The following MMP16 variants were observed in gnomAD, a reference collection of about 807,000 sequenced individuals.
MMP16 encodes matrix metallopeptidase 16, also known as matrix metalloproteinase-16.
Under a neutral mutation model 67.8 loss-of-function variants are expected in MMP16, and 12 were observed. That is an observed-to-expected ratio of 0.18 (90% CI 0.11 to 0.29). The LOEUF is 0.29. Among genes scored for constraint, MMP16 ranks in the 10% least tolerant of loss-of-function variants. MMP16 has a pLI of 1.00. For synonymous variants in MMP16, 249 were observed against 255.9 expected, an observed-to-expected ratio of 0.97 and a Z score of 0.26; for missense variants, 475 against 765.7, an observed-to-expected ratio of 0.62 and a Z score of 4.48.
At chr8:88,119,494 C>A (rs543102128) in intron 4 of MMP16, among the ~76,000 whole-genome samples, 2 of 152,140 alleles carry the variant, frequency 1.3e-5, no homozygotes, top group African/African-American at 4.8e-5. Context: ...CAATTCTAAT[C>A]TTTTCATATG....
At chr8:88,216,475 C>T (rs901603656) in intron 1 of MMP16, among the ~76,000 whole-genome samples, 3 of 152,078 alleles carry the variant, frequency 2.0e-5, no homozygotes, top group Non-Finnish European at 4.4e-5. Context: ...ATCATCAGAT[C>T]CCACTTAAAG....
intron 4 of MMP16, among the ~76,000 whole-genome samples, chr8:88,166,782 CA>C (rs1276831171): frequency 2.1e-5 from 3 of 145,886 alleles, no homozygotes; most frequent in Non-Finnish European, 4.5e-5. Flanking sequence ...AAAACAGACC[CA>C]GGCTGGTATT....
At chr8:88,102,010 T>G (rs1809153087) in intron 6 of MMP16, among the ~76,000 whole-genome samples, 1 of 151,878 alleles carries the variant, frequency 6.6e-6, no homozygotes, top group Non-Finnish European at 1.5e-5. Flanking sequence ...TTCTTAGAGC[T>G]GCTCTTTTGT....
chr8:88,164,308 G>T (rs535713061), intron 4 of MMP16, among the ~76,000 whole-genome samples: 1 of 144,732 alleles, frequency 6.9e-6, no homozygotes, highest in African/African-American at 2.5e-5. Context: ...CTAGATTAAA[G>T]AAAAAAAAAA....
chr8:88,280,819 A>G (rs1039503909), intron 1 of MMP16, among the ~76,000 whole-genome samples: 1 of 152,130 alleles, frequency 6.6e-6, no homozygotes, highest in Non-Finnish European at 1.5e-5. Context: ...TGGGAGTTTC[A>G]GAGTGCAGGG....
At chr8:88,117,951 T>C (rs77976101) in intron 5 of MMP16, among the ~76,000 whole-genome samples, 8,365 of 152,134 alleles carry the variant, frequency 0.055, 348 homozygotes, top group Admixed American at 0.11. Flanking sequence ...TGTCAAGTTC[T>C]TTGCAACTAT....
At chr8:88,212,460 C>A (rs1382344300) in intron 1 of MMP16, among the ~76,000 whole-genome samples, 1 of 152,062 alleles carries the variant, frequency 6.6e-6, no homozygotes, top group Non-Finnish European at 1.5e-5. Flanking sequence ...TCTGTCCATG[C>A]TTCAGTTATA....
chr8:88,281,083 A>G (rs1229874848), intron 1 of MMP16, among the ~76,000 whole-genome samples: 1 of 152,220 alleles, frequency 6.6e-6, no homozygotes, highest in Admixed American at 6.5e-5. Flanking sequence ...AGCAAAGCAG[A>G]GTACAAGACT....
At chr8:88,282,352 C>T (rs190577907) in intron 1 of MMP16, among the ~76,000 whole-genome samples, 53 of 152,290 alleles carry the variant, frequency 3.5e-4, no homozygotes, top group Non-Finnish European at 7.1e-4. Flanking sequence ...GGATTACAGG[C>T]GTGAGCCATG....
chr8:88,326,846 T>C, intron 1 of MMP16: 2 of 467,478 alleles, frequency 4.3e-6, no homozygotes, highest in Non-Finnish European at 7.8e-6. Context: ...AATTGTGTCT[T>C]TGAGCGCGCA....
At chr8:88,159,142 A>G (rs534424508) in intron 4 of MMP16, among the ~76,000 whole-genome samples, 91 of 152,158 alleles carry the variant, frequency 6.0e-4, no homozygotes, top group African/African-American at 2.1e-3. Context: ...TTGTCTTGGC[A>G]ATGTGGGCTC....
intron 8 of MMP16, among the ~76,000 whole-genome samples, chr8:88,053,044 A>G (rs1471322598): frequency 1.3e-5 from 2 of 152,228 alleles, no homozygotes; most frequent in African/African-American, 4.8e-5. Flanking sequence ...TACCTAGCAC[A>G]TGTCACATAC....
chr8:88,298,851 A>C (rs1811054445), intron 1 of MMP16, among the ~76,000 whole-genome samples: 1 of 152,180 alleles, frequency 6.6e-6, no homozygotes, highest in South Asian at 2.1e-4. Context: ...CAGAGTACCC[A>C]GTTTGAGGAA....
At chr8:88,070,314 A>T (rs1279176628) in intron 7 of MMP16, among the ~76,000 whole-genome samples, 1 of 152,048 alleles carries the variant, frequency 6.6e-6, no homozygotes, top group African/African-American at 2.4e-5. Flanking sequence ...AAGATTTGTT[A>T]AGTGGAATTC....
At chr8:88,091,357 T>C (rs1808932877) in intron 6 of MMP16, among the ~76,000 whole-genome samples, 1 of 151,880 alleles carries the variant, frequency 6.6e-6, no homozygotes, top group African/African-American at 2.4e-5. Flanking sequence ...ACAGTAGAAA[T>C]TGTGACCGTG....
intron 1 of MMP16, among the ~76,000 whole-genome samples, chr8:88,250,512 A>G (rs1810193006): frequency 6.6e-6 from 1 of 152,038 alleles, no homozygotes; most frequent in Non-Finnish European, 1.5e-5. Context: ...TCAACTTACT[A>G]TTCTTTGAGA....
chr8:88,297,550 C>T (rs1449853149), intron 1 of MMP16, among the ~76,000 whole-genome samples: 1 of 152,148 alleles, frequency 6.6e-6, no homozygotes, highest in African/African-American at 2.4e-5. Context: ...GCACTTCCTC[C>T]CAAAGGACTC....
chr8:88,046,846 A>C, intron 8 of MMP16, 62 bp from the exon 9 acceptor site: 1 of 1,020,486 alleles, frequency 9.8e-7, no homozygotes, highest in Non-Finnish European at 1.4e-6. Context: ...AAGATTATGC[A>C]TACAAACAAT....
At chr8:88,282,143 C>T (rs896848552) in intron 1 of MMP16, among the ~76,000 whole-genome samples, 2 of 147,782 alleles carry the variant, frequency 1.4e-5, no homozygotes, top group African/African-American at 2.6e-5. Context: ...GGCATGATCT[C>T]GGCTCACTGC....
Sources: gnomAD v4.1 joint callset for allele counts (sites outside exome capture counted in the v4.1 genomes callset) on GRCh38, gnomAD v4.1.1 for gene constraint, MANE v1.5 for transcripts, NCBI Gene and HGNC (gene_info 2026-07-23, HGNC 2026-07-21) for gene names.